FRMD6: variants seen among roughly 807,000 people sequenced by gnomAD.
FRMD6 encodes the protein FERM domain-containing protein 6.
A neutral mutation model predicts 73.2 loss-of-function variants in FRMD6; 37 were observed. That is an observed-to-expected ratio of 0.51 (90% CI 0.39 to 0.66). The LOEUF is 0.66. Among genes scored for constraint, FRMD6 ranks in the 30% least tolerant of loss-of-function variants. The pLI is 0.00. For missense variants in FRMD6, 714 were observed against 780.5 expected (o/e 0.91, Z 1.02); for synonymous variants, 273 against 282.2 (o/e 0.97, Z 0.33).
chr14:51,410,010 A>C, the FRMD6 span, among the ~76,000 whole-genome samples: 1 of 152,236 alleles, frequency 6.6e-6, no homozygotes, highest in African/African-American at 2.4e-5. Context: ...TTGGGATGGA[A>C]GAAGAGAGAA....
At chr14:51,570,064 CT>C (rs1490974828) in intron 1 of FRMD6, among the ~76,000 whole-genome samples, 19 of 152,070 alleles carry the variant, frequency 1.2e-4, no homozygotes, top group Admixed American at 5.2e-4. Flanking sequence ...ATCTGCCCAC[CT>C]TGGCCTCCCA....
the FRMD6 span, among the ~76,000 whole-genome samples, chr14:51,412,574 G>A: frequency 5.3e-5 from 8 of 152,104 alleles, no homozygotes; most frequent in Non-Finnish European, 7.4e-5. Context: ...CGGACAGGCC[G>A]GGCGCGGTGG....
chr14:51,450,593 G>A, the FRMD6 span, among the ~76,000 whole-genome samples: 2 of 152,296 alleles, frequency 1.3e-5, no homozygotes, highest in East Asian at 3.9e-4. Flanking sequence ...CATGAGGTCA[G>A]CTACCACACA....
In FRMD6 at chr14:51,663,317, T is replaced by C. The variant is rs548915152; in HGVS notation, c.-147+11321T>C. On this transcript the variant is annotated intron_variant, in intron 1 of 13. Coordinates refer to ENST00000344768, the MANE Select transcript of FRMD6 (RefSeq NM_001267046.2). ...TATTACAAAGACACATGCATGCATA[T>C]GTTCATTGCTACACTATTCACAATA... 6.6e-5 allele frequency among the ~76,000 whole-genome samples: 10 copies of C among 152,350 alleles called. No homozygotes were observed. In the South Asian group the frequency reaches 2.1e-3, roughly 32 times the overall value.
intron 1 of FRMD6, among the ~76,000 whole-genome samples, chr14:51,539,767 CATCT>C (rs1337688278): frequency 6.6e-6 from 1 of 152,162 alleles, no homozygotes; most frequent in East Asian, 1.9e-4. Flanking sequence ...AAAATCCAGC[CATCT>C]GAGTCATTTG....
chr14:51,612,093 T>C (rs1478889346), intron 2 of FRMD6, among the ~76,000 whole-genome samples: 1 of 152,224 alleles, frequency 6.6e-6, no homozygotes, highest in Non-Finnish European at 1.5e-5. Flanking sequence ...ACACCAATTA[T>C]TTTCATAACA....
chr14:51,445,328 C>T, the FRMD6 span, among the ~76,000 whole-genome samples: 2 of 152,162 alleles, frequency 1.3e-5, no homozygotes, highest in African/African-American at 2.4e-5. Context: ...ACATTCCTCC[C>T]TCTTTCCTGA....
rs182594706 is a variant in FRMD6, at chr14:51,668,891, A to T, written c.-147+16895A>T. 4.0e-5 allele frequency among the ~76,000 whole-genome samples: 6 copies of T among 151,198 alleles called. 1 individual carries two copies. The East Asian group carries it at 1.2e-3, about 29-fold the overall frequency. On this transcript the variant is annotated intron_variant, in intron 1 of 13. Coordinates refer to ENST00000344768, the MANE Select transcript of FRMD6 (RefSeq NM_001267046.2). ...ACCGTGTTGGCCAGGCTGGTCTCGA[A>T]CTCCTGACCTCAAGTGATCCACCCA...
intron 2 of FRMD6, among the ~76,000 whole-genome samples, chr14:51,607,523 T>C (rs1323348902): frequency 6.6e-6 from 1 of 152,192 alleles, no homozygotes; most frequent in East Asian, 1.9e-4. Flanking sequence ...CATCCAATAA[T>C]ACATGATTGC....
intron 1 of FRMD6, among the ~76,000 whole-genome samples, chr14:51,558,777 T>TA (rs1412067137): frequency 2.0e-5 from 3 of 152,178 alleles, no homozygotes; most frequent in Non-Finnish European, 4.4e-5. Context: ...TGCCCTCCTC[T>TA]AAAGGAGTTT....
chr14:51,584,694 T>C (rs1431032908), intron 2 of FRMD6, among the ~76,000 whole-genome samples: 4 of 152,220 alleles, frequency 2.6e-5, no homozygotes. Flanking sequence ...AACTCAGTTT[T>C]GCTTTAATAT....
At chr14:51,682,812 CT>C (rs1418555674) in intron 1 of FRMD6, among the ~76,000 whole-genome samples, 2 of 152,142 alleles carry the variant, frequency 1.3e-5, no homozygotes, top group Non-Finnish European at 2.9e-5. Flanking sequence ...TCTGGTTTTG[CT>C]TGGGTTACAT....
Position 51,715,424 on chromosome 14 carries a change from C to G in FRMD6, c.949C>G (p.Leu317Val). The G allele has an allele frequency of 2.5e-6, 4 of 1,614,024 alleles. No individual in the cohort carries two copies. Among genetic ancestry groups the G allele is most frequent in the Non-Finnish European group, 3.4e-6 (4 of 1,179,932 alleles). ...PMRSRHLLQLLSNSHRLYMNL... is the reference protein window; with the variant it reads ...PMRSRHLLQLVSNSHRLYMNL... ...GCGCTCCAGACACCTCCTGCAACTT[C>G]TGAGCAACAGCCACCGCCTCTATAT... Residue 317 changes from leucine to valine, a missense_variant, in exon 10 of 14, where the codon CTG becomes GTG. Leu to Val is a conservative substitution (Grantham distance 32, BLOSUM62 1). Coordinates refer to ENST00000344768, the MANE Select transcript of FRMD6 (RefSeq NM_001267046.2).
At chr14:51,436,604 C>T in the FRMD6 span, 1 of 574,496 alleles carries the variant, frequency 1.7e-6, no homozygotes, top group Non-Finnish European at 3.1e-6. Context: ...AGAATAAAGC[C>T]AGCAGGAAGA....
rs1896535086 is a variant in FRMD6, at chr14:51,704,944, T to G, written c.558+9T>G. The G allele has an allele frequency of 6.3e-7, 1 of 1,590,370 alleles. No homozygotes were observed. Among genetic ancestry groups the G allele is most frequent in the Admixed American group, 1.7e-5 (1 of 58,100 alleles). Reference sequence around the variant, plus strand: ...CTTACTTCCCATCTTGGGTAAGCACTGTTTTCAAATTCGAAAGAGTGTTTT... The same window carrying G: ...CTTACTTCCCATCTTGGGTAAGCACGGTTTTCAAATTCGAAAGAGTGTTTT... On this transcript the variant is annotated intron_variant, in intron 6 of 13. Transcript: ENST00000344768.
At chr14:51,639,465 T>C (rs924351629) in intron 2 of FRMD6, among the ~76,000 whole-genome samples, 1 of 152,038 alleles carries the variant, frequency 6.6e-6, no homozygotes, top group African/African-American at 2.4e-5. Flanking sequence ...ATTATTAAAC[T>C]CCACTATTAA....
chr14:51,523,439 C>T (rs1046998794), intron 1 of FRMD6, among the ~76,000 whole-genome samples: 2 of 152,126 alleles, frequency 1.3e-5, no homozygotes, highest in South Asian at 4.1e-4. Context: ...AGAACTGGGG[C>T]AACGCTGAAT....
chr14:51,535,556 T>C (rs546279164), intron 1 of FRMD6, among the ~76,000 whole-genome samples: 1 of 152,374 alleles, frequency 6.6e-6, no homozygotes, highest in African/African-American at 2.4e-5. Context: ...ATATTAGCAC[T>C]GTGTTCCTTT....
chr14:51,667,861 T>A (rs2140214580), intron 1 of FRMD6, among the ~76,000 whole-genome samples: 1 of 152,286 alleles, frequency 6.6e-6, no homozygotes, highest in South Asian at 2.1e-4. Context: ...TGAACCCTCA[T>A]TCATTTTAAA....
Sources: gnomAD v4.1 joint callset for allele counts (sites outside exome capture counted in the v4.1 genomes callset) on GRCh38, gnomAD v4.1.1 for gene constraint, MANE v1.5 for transcripts, NCBI Gene and HGNC (gene_info 2026-07-23, HGNC 2026-07-21) for gene names.